The following CNTN6 variants were observed in gnomAD, a reference collection of about 807,000 sequenced individuals.
CNTN6 encodes the protein contactin 6.
In CNTN6, 137 loss-of-function variants were observed where a neutral mutation model predicts 122.8. The observed-to-expected ratio is 1.12, with a 90% CI of 0.97 to 1.29. The LOEUF (loss-of-function observed/expected upper bound fraction) is 1.29, where lower values mean the gene tolerates loss of function less well. CNTN6 is among the 50% of genes most tolerant of loss of function. CNTN6 has a pLI of 0.00. For synonymous variants in CNTN6, 570 were observed against 426.0 expected, an observed-to-expected ratio of 1.34 and a Z score of -4.16; for missense variants, 1,634 against 1,223.4, an observed-to-expected ratio of 1.34 and a Z score of -5.01.
intron 2 of CNTN6, among the ~76,000 whole-genome samples, chr3:1,179,158 C>T (rs1458724633): frequency 6.6e-6 from 1 of 152,034 alleles, no homozygotes; most frequent in Non-Finnish European, 1.5e-5. Context: ...TTTTAAACAA[C>T]CAAATCTTGC....
chr3:1,394,201 G>C, intron 20 of CNTN6: 1 of 231,324 alleles, frequency 4.3e-6, no homozygotes, highest in Non-Finnish European at 8.6e-6. Context: ...CCCTCCGTCT[G>C]CCTCATCTCC....
At chr3:1,385,895 C>G in intron 20 of CNTN6, 98 bp downstream of exon 20, 1 of 1,183,294 alleles carries the variant, frequency 8.5e-7, no homozygotes, top group Non-Finnish European at 1.2e-6. Context: ...CATTTCTTTA[C>G]TAATTGGTTA....
At chr3:1,200,347 T>A (rs2093844993) in intron 2 of CNTN6, among the ~76,000 whole-genome samples, 1 of 152,188 alleles carries the variant, frequency 6.6e-6, no homozygotes. Context: ...CATGTATTTT[T>A]AATTCAGCTC....
chr3:1,268,348 T>G (rs5025267), intron 4 of CNTN6, among the ~76,000 whole-genome samples: 1 of 151,570 alleles, frequency 6.6e-6, no homozygotes, highest in African/African-American at 2.4e-5. Flanking sequence ...TGGCTCACGC[T>G]TGTAATCCCA....
chr3:1,137,946 C>CA (rs2092520286), intron 1 of CNTN6, among the ~76,000 whole-genome samples: 1 of 152,188 alleles, frequency 6.6e-6, no homozygotes, highest in Non-Finnish European at 1.5e-5. Flanking sequence ...TCCTGAGACA[C>CA]AAATAATAAG....
chr3:1,103,791 T>C (rs149571496), intron 1 of CNTN6, among the ~76,000 whole-genome samples: 1 of 152,282 alleles, frequency 6.6e-6, no homozygotes, highest in East Asian at 1.9e-4. Flanking sequence ...AAATTCATTT[T>C]CTGCCAGTGA....
chr3:1,209,785 T>C (rs1416667171), intron 2 of CNTN6, among the ~76,000 whole-genome samples: 1 of 152,194 alleles, frequency 6.6e-6, no homozygotes, highest in African/African-American at 2.4e-5. Context: ...CCTGAATTAG[T>C]ATTTTTTCCT....
chr3:1,165,267 C>T (rs557744024), intron 2 of CNTN6, among the ~76,000 whole-genome samples: 56 of 152,146 alleles, frequency 3.7e-4, no homozygotes, highest in Non-Finnish European at 7.4e-4. Context: ...CATTACCGCT[C>T]ATCTAGGCTG....
intron 12 of CNTN6, among the ~76,000 whole-genome samples, chr3:1,369,034 T>C (rs1708617317): frequency 6.6e-6 from 1 of 152,178 alleles, no homozygotes; most frequent in African/African-American, 2.4e-5. Context: ...TGTTTAATCC[T>C]TTCATTTTCA....
At chr3:1,326,652 A>G (rs1701583684) in intron 9 of CNTN6, among the ~76,000 whole-genome samples, 1 of 151,888 alleles carries the variant, frequency 6.6e-6, no homozygotes, top group African/African-American at 2.4e-5. Flanking sequence ...TTATCCAGAT[A>G]ATTGTGTCAA....
At chr3:1,297,643 T>C (rs1575597921) in intron 6 of CNTN6, among the ~76,000 whole-genome samples, 2 of 144,892 alleles carry the variant, frequency 1.4e-5, no homozygotes, top group African/African-American at 5.7e-5. Flanking sequence ...TTTTTCTTTT[T>C]TTTTTTTTTT....
intron 21 of CNTN6, among the ~76,000 whole-genome samples, 175 bp from the exon 22 acceptor site, chr3:1,402,143 T>A (rs1695793630): frequency 1.3e-5 from 2 of 151,722 alleles, no homozygotes; most frequent in Admixed American, 6.6e-5. Context: ...AAAAAACACC[T>A]CTTTTTCTTA....
chr3:1,103,974 A>G (rs1025538078), intron 1 of CNTN6, among the ~76,000 whole-genome samples: 1 of 152,092 alleles, frequency 6.6e-6, no homozygotes, highest in Admixed American at 6.6e-5. Context: ...AATTACCAAT[A>G]TTAATAATAT....
intron 7 of CNTN6, among the ~76,000 whole-genome samples, chr3:1,310,116 T>A (rs536070529): frequency 1.3e-5 from 2 of 152,270 alleles, no homozygotes; most frequent in East Asian, 3.9e-4. Context: ...TTTTTGCCTT[T>A]TCTTGTATTA....
chr3:1,204,469 G>T (rs995859976), intron 2 of CNTN6, among the ~76,000 whole-genome samples: 1 of 152,156 alleles, frequency 6.6e-6, no homozygotes, highest in Non-Finnish European at 1.5e-5. Flanking sequence ...AAATAGGCTT[G>T]TCTCTTTCAT....
chr3:1,222,885 G>A (rs763155877), intron 3 of CNTN6, among the ~76,000 whole-genome samples: 12 of 151,952 alleles, frequency 7.9e-5, no homozygotes, highest in South Asian at 4.2e-4. Context: ...GGCCCCAGTC[G>A]TTGTTCCCCT....
chr3:1,273,913 G>C (rs1691835495), intron 4 of CNTN6, among the ~76,000 whole-genome samples: 1 of 152,180 alleles, frequency 6.6e-6, no homozygotes, highest in Admixed American at 6.5e-5. Context: ...ACACTGAAAA[G>C]ATGATTGATG....
intron 2 of CNTN6, among the ~76,000 whole-genome samples, chr3:1,169,638 A>G (rs1160169439): frequency 6.6e-6 from 1 of 152,116 alleles, no homozygotes; most frequent in Non-Finnish European, 1.5e-5. Context: ...TCCTCCTTTT[A>G]CTTCTCTAAA....
At chr3:1,396,119 T>C (rs1055816405) in intron 20 of CNTN6, among the ~76,000 whole-genome samples, 3 of 152,208 alleles carry the variant, frequency 2.0e-5, no homozygotes, top group Non-Finnish European at 4.4e-5. Flanking sequence ...TTCCAGAGAA[T>C]GTAGACTAAG....
Sources: gnomAD v4.1 joint callset for allele counts (sites outside exome capture counted in the v4.1 genomes callset) on GRCh38, gnomAD v4.1.1 for gene constraint, MANE v1.5 for transcripts, NCBI Gene and HGNC (gene_info 2026-07-23, HGNC 2026-07-21) for gene names.